Variants in SUPT20H observed in about 807,000 individuals in gnomAD.
SUPT20H encodes the protein transcription factor SPT20 homolog.
In SUPT20H, 82 loss-of-function variants were observed where a neutral mutation model predicts 122.8. The observed-to-expected ratio is 0.67, with a 90% CI of 0.56 to 0.80. SUPT20H has a LOEUF of 0.80. Among genes scored for constraint, SUPT20H ranks in the 30% least tolerant of loss-of-function variants. The pLI is 0.00. For missense variants in SUPT20H, 831 were observed against 921.6 expected (o/e 0.90, Z 1.27); for synonymous variants, 291 against 313.0 (o/e 0.93, Z 0.74).
Position 37,026,803 on chromosome 13 carries a change from C to T in SUPT20H, c.1165G>A (p.Asp389Asn). The T allele has an allele frequency of 7.0e-7, 1 of 1,435,000 alleles. No individual in the cohort carries two copies. 88.9% of individuals were successfully genotyped at this position (1,435,000 alleles called of 1,614,324 possible). ...QMSPSHSSTDDHSNWFIIGSK... is the reference protein window; with the variant it reads ...QMSPSHSSTDNHSNWFIIGSK... ...TTTTTTAATTACCAATTTGAATGAT[C>T]ATCTGTGGACGAGCTGAAATATAAA... Residue 389 changes from aspartate (D) to asparagine (N), a missense_variant, in exon 15 of 26, where the codon GAT (aspartate) becomes AAT (asparagine). Coordinates refer to ENST00000350612, the MANE Select transcript of SUPT20H (RefSeq NM_001014286.3).
intron 1 of SUPT20H, among the ~76,000 whole-genome samples, chr13:37,058,491 T>C (rs769295823): frequency 3.3e-5 from 5 of 152,198 alleles, no homozygotes; most frequent in Non-Finnish European, 7.3e-5. Flanking sequence ...GACTTTAAGA[T>C]TTCTTGTCAC....
At chr13:37,025,190 C>T (rs2062038623) in intron 17 of SUPT20H, 130 bp downstream of exon 17, 5 of 775,906 alleles carry the variant, frequency 6.4e-6, no homozygotes, top group Non-Finnish European at 1.1e-5. Flanking sequence ...GATCCACCCA[C>T]CTTGGCCTCC....
At chr13:37,031,694 A>C (rs1452534808) in intron 11 of SUPT20H, 45 bp downstream of exon 11, 2 of 1,549,052 alleles carry the variant, frequency 1.3e-6, no homozygotes, top group Non-Finnish European at 8.7e-7. Flanking sequence ...TAAATAAGAC[A>C]GGCTTTTGGG....
chr13:37,017,195 A>C, intron 23 of SUPT20H, 50 bp downstream of exon 23: 1 of 1,612,792 alleles, frequency 6.2e-7, no homozygotes. Context: ...TATACCAAAA[A>C]ATGTTATAAA....
chr13:37,055,108 A>G (rs1213567425), intron 1 of SUPT20H, among the ~76,000 whole-genome samples: 1 of 152,234 alleles, frequency 6.6e-6, no homozygotes, highest in African/African-American at 2.4e-5. Flanking sequence ...CTGCTCAAGG[A>G]AATAAAAGAG....
chr13:37,019,471 A>C, intron 21 of SUPT20H, 74 bp from the exon 22 acceptor site: 2 of 1,024,674 alleles, frequency 2.0e-6, no homozygotes, highest in Middle Eastern at 5.8e-4. Flanking sequence ...ACTTTAGTAT[A>C]TATAAGTACA....
chr13:37,015,431 A>G (rs564290557), intron 23 of SUPT20H, among the ~76,000 whole-genome samples: 4 of 151,974 alleles, frequency 2.6e-5, no homozygotes, highest in South Asian at 4.2e-4. Context: ...GGAAATGCCA[A>G]TCAAAACCAC....
chr13:37,021,301 T>C lies in SUPT20H; in HGVS notation c.1816+147A>G, dbSNP rs1371617558. On this transcript the variant is annotated intron_variant, in intron 21 of 25. Coordinates refer to ENST00000350612, the MANE Select transcript of SUPT20H (RefSeq NM_001014286.3). The stretch of plus-strand genomic sequence containing the variant: ...ACTTTTAATTCAAATGCCAGAACTT[T>C]TAAAGGCTTTTTAAGTGAAATATAT... 7.7e-6 allele frequency: 7 copies of C among 905,382 alleles called. No individual in the cohort carries two copies. The Admixed American group carries it at 1.2e-4, about 15-fold the overall frequency. The allele number at this position is 905,382 out of a possible 1,614,324, so 56.1% of individuals were successfully genotyped here.
intron 9 of SUPT20H, among the ~76,000 whole-genome samples, chr13:37,037,146 G>A (rs1025873863): frequency 1.3e-4 from 20 of 149,052 alleles, no homozygotes; most frequent in Non-Finnish European, 1.5e-5. Context: ...GCAGTGAGCT[G>A]AGATTGTGCC....
intron 7 of SUPT20H, among the ~76,000 whole-genome samples, chr13:37,043,205 G>C (rs1266984819): frequency 2.0e-5 from 3 of 152,226 alleles, no homozygotes; most frequent in Non-Finnish European, 4.4e-5. Context: ...TCTATAAACA[G>C]TATACATCAA....
At chr13:37,036,546 T>C (rs2064452406) in intron 9 of SUPT20H, among the ~76,000 whole-genome samples, 1 of 152,104 alleles carries the variant, frequency 6.6e-6, no homozygotes, top group African/African-American at 2.4e-5. Context: ...GGTCTCGATC[T>C]CCTGCCCTCA....
chr13:37,009,541 C>T lies in SUPT20H; in HGVS notation c.*131G>A, dbSNP rs1039836040. 7 of 1,126,866 alleles carry T rather than the reference C, an allele frequency of 6.2e-6. No homozygotes were observed. The highest frequency in any genetic ancestry group is 9.2e-6 in the Non-Finnish European group (7 of 758,544). 69.8% of individuals were successfully genotyped at this position (1,126,866 alleles called of 1,614,324 possible). ...TTTATTTAAAAATGATAAGGTTGTG[C>T]TTCTGTATAAAGTTTGTACATCTAG... is the stretch of plus-strand genomic sequence containing the variant. On this transcript the variant is annotated 3_prime_UTR_variant, in exon 26 of 26. Coordinates refer to ENST00000350612, the MANE Select transcript of SUPT20H (RefSeq NM_001014286.3).
chr13:37,025,427 G>C lies in SUPT20H; in HGVS notation c.1222C>G (p.Gln408Glu). 1 of 1,611,764 alleles carries C rather than the reference G, an allele frequency of 6.2e-7. No individual in the cohort carries two copies. The highest frequency in any genetic ancestry group is 8.5e-7 in the Non-Finnish European group (1 of 1,178,226). The change falls in exon 17 of 26, where the codon CAG (glutamine) becomes GAG (glutamate). Residue 408 changes from glutamine to glutamate, a missense_variant. Coordinates refer to ENST00000350612, the MANE Select transcript of SUPT20H (RefSeq NM_001014286.3). ...SKTDAERVVN[Q>E]YQELVQNEAK... ...TCATTCTGGACTAATTCTTGGTACT[G>C]ATTGACTACCCTAAAATATCAGGAG...
At chr13:37,010,855 G>A in intron 24 of SUPT20H, 200 bp from the exon 25 acceptor site, 2 of 469,372 alleles carry the variant, frequency 4.3e-6, no homozygotes, top group South Asian at 3.4e-5. Context: ...GGAACTTTCT[G>A]GACACAAAAA....
intron 20 of SUPT20H, 43 bp from the exon 21 acceptor site, chr13:37,021,645 GA>G: frequency 6.5e-7 from 1 of 1,542,706 alleles, no homozygotes; most frequent in Non-Finnish European, 8.8e-7. Context: ...ACTGTAAAAG[GA>G]AAAAATCAGC....
At chr13:37,038,738 A>T (rs1292387300) in intron 9 of SUPT20H, 1 of 152,228 alleles carries the variant, frequency 6.6e-6, no homozygotes, top group Non-Finnish European at 1.5e-5. Context: ...AAAAAACTAT[A>T]CATAGGTTTC....
intron 19 of SUPT20H, 50 bp downstream of exon 19, chr13:37,023,985 T>G: frequency 1.3e-6 from 2 of 1,554,980 alleles, no homozygotes; most frequent in Non-Finnish European, 1.7e-6. Context: ...TAAGAAACAC[T>G]AATGCAAAAG....
intron 23 of SUPT20H, among the ~76,000 whole-genome samples, chr13:37,015,761 G>A (rs183361486): frequency 1.2e-4 from 18 of 152,194 alleles, no homozygotes; most frequent in South Asian, 6.2e-4. Context: ...TACAATAGCC[G>A]AAAGGTGGAA....
Position 37,009,381 on chromosome 13 carries a change from T to C in SUPT20H, c.*291A>G, listed in dbSNP as rs990684783. Reference sequence around the variant, plus strand: ...ACAAACGTTTTATACTAAATAAATATCAAACTACATTCTTCTGAAAGATGT... The same window carrying C: ...ACAAACGTTTTATACTAAATAAATACCAAACTACATTCTTCTGAAAGATGT... On this transcript the variant is annotated 3_prime_UTR_variant, in exon 26 of 26. Coordinates refer to ENST00000350612, the MANE Select transcript of SUPT20H (RefSeq NM_001014286.3). 9 of 791,280 alleles carry C rather than the reference T, an allele frequency of 1.1e-5. No homozygotes were observed. The African/African-American group carries it at 1.2e-4, about 11-fold the overall frequency. The allele number at this position is 791,280 out of a possible 1,614,324, so 49.0% of individuals were successfully genotyped here.
Sources: allele counts gnomAD v4.1 joint callset (sites outside exome capture counted in the v4.1 genomes callset), GRCh38; gene constraint gnomAD v4.1.1; transcripts MANE v1.5; gene names NCBI Gene and HGNC (gene_info 2026-07-23, HGNC 2026-07-21).